The following SLC9A9 variants were observed in gnomAD, a reference collection of about 807,000 sequenced individuals.
SLC9A9 encodes sodium/hydrogen exchanger 9.
Under a neutral mutation model 77.8 loss-of-function variants are expected in SLC9A9, and 62 were observed. The ratio of observed to expected loss-of-function variants is 0.80; its 90% confidence interval spans 0.65 to 0.98. The LOEUF is 0.98. Among genes scored for constraint, SLC9A9 ranks in the 50% least tolerant of loss-of-function variants. The pLI, the probability that SLC9A9 is intolerant of heterozygous loss-of-function variation, is 0.00. For synonymous variants in SLC9A9, 320 were observed against 283.5 expected, an observed-to-expected ratio of 1.13 and a Z score of -1.29; for missense variants, 775 against 774.9, an observed-to-expected ratio of 1.00 and a Z score of 0.00.
chr3:143,435,099 C>A (rs938954000), intron 12 of SLC9A9, among the ~76,000 whole-genome samples: 2 of 152,096 alleles, frequency 1.3e-5, no homozygotes, highest in Admixed American at 6.5e-5. Flanking sequence ...CTTATCAAGA[C>A]CTCTTTTAAA....
chr3:143,345,348 G>A (rs947783042), intron 14 of SLC9A9, among the ~76,000 whole-genome samples: 4 of 152,130 alleles, frequency 2.6e-5, no homozygotes, highest in Admixed American at 6.5e-5. Flanking sequence ...AGAAAAGTAG[G>A]GGGAAATTCA....
intron 8 of SLC9A9, among the ~76,000 whole-genome samples, chr3:143,558,141 T>C (rs1284008917): frequency 6.6e-6 from 1 of 152,150 alleles, no homozygotes; most frequent in African/African-American, 2.4e-5. Context: ...AGCCTGTGGG[T>C]ACATAGAAGT....
At chr3:143,788,426 C>T (rs2008119001) in intron 4 of SLC9A9, among the ~76,000 whole-genome samples, 1 of 152,140 alleles carries the variant, frequency 6.6e-6, no homozygotes, top group South Asian at 2.1e-4. Context: ...CATGGTGGCT[C>T]ACGCCTGTAA....
At chr3:143,666,745 A>T (rs1473878800) in intron 5 of SLC9A9, among the ~76,000 whole-genome samples, 1 of 152,192 alleles carries the variant, frequency 6.6e-6, no homozygotes, top group Non-Finnish European at 1.5e-5. Context: ...CTTCAAAGAC[A>T]ATAAAATACC....
At chr3:143,411,873 G>A (rs1326643517) in intron 12 of SLC9A9, among the ~76,000 whole-genome samples, 1 of 152,088 alleles carries the variant, frequency 6.6e-6, no homozygotes. Context: ...ACAGGGCAGG[G>A]GTACAGAGGC....
chr3:143,269,059 T>G (rs545740177), intron 14 of SLC9A9, 79 bp from the exon 15 acceptor site: 1 of 1,075,682 alleles, frequency 9.3e-7, no homozygotes, highest in South Asian at 1.3e-5. Flanking sequence ...CTTTGTATGC[T>G]GAGACAGCTA....
intron 9 of SLC9A9, among the ~76,000 whole-genome samples, chr3:143,528,330 T>G (rs1405018): frequency 0.52 from 79,344 of 152,010 alleles, 20,756 homozygotes; most frequent in Middle Eastern, 0.69. Flanking sequence ...ATTGGAAAGA[T>G]TAAACCAATT....
intron 14 of SLC9A9, among the ~76,000 whole-genome samples, chr3:143,312,830 C>T (rs950732054): frequency 1.3e-5 from 2 of 152,198 alleles, no homozygotes; most frequent in African/African-American, 4.8e-5. Context: ...ATTGCTTAGG[C>T]CAAGATGGCA....
chr3:143,626,507 A>G (rs570397673), intron 6 of SLC9A9, among the ~76,000 whole-genome samples: 35 of 152,274 alleles, frequency 2.3e-4, no homozygotes, highest in South Asian at 2.1e-3. Context: ...TCAGCAAACT[A>G]TCGCAAGGAC....
chr3:143,754,003 ATTT>A, intron 4 of SLC9A9, among the ~76,000 whole-genome samples: 1 of 118,088 alleles, frequency 8.5e-6, no homozygotes, highest in Non-Finnish European at 1.9e-5. Flanking sequence ...ACATCTCAGG[ATTT>A]CTCTTTCTCC....
chr3:143,288,296 A>G (rs1426018083), intron 14 of SLC9A9, among the ~76,000 whole-genome samples: 4 of 152,050 alleles, frequency 2.6e-5, no homozygotes, highest in Admixed American at 2.6e-4. Context: ...AGAACATATC[A>G]CATTATAAAA....
intron 12 of SLC9A9, among the ~76,000 whole-genome samples, chr3:143,440,723 A>G (rs2034717884): frequency 6.6e-6 from 1 of 152,260 alleles, no homozygotes; most frequent in East Asian, 1.9e-4. Flanking sequence ...AAATTACAAA[A>G]TGATAAACAG....
chr3:143,561,931 C>T (rs1052210433), intron 8 of SLC9A9, among the ~76,000 whole-genome samples: 1 of 152,176 alleles, frequency 6.6e-6, no homozygotes, highest in Non-Finnish European at 1.5e-5. Flanking sequence ...GTCTTCCCTT[C>T]ACCTTTAACT....
intron 9 of SLC9A9, among the ~76,000 whole-genome samples, chr3:143,516,869 C>A (rs1450784546): frequency 6.6e-6 from 1 of 152,140 alleles, no homozygotes; most frequent in Admixed American, 6.5e-5. Flanking sequence ...AATTTTTCAT[C>A]TTCTTGGGTA....
chr3:143,423,199 T>G (rs1449060318), intron 12 of SLC9A9, among the ~76,000 whole-genome samples: 2 of 131,178 alleles, frequency 1.5e-5, no homozygotes, highest in African/African-American at 5.5e-5. Flanking sequence ...AAATCTCTAC[T>G]TACCCTCACA....
rs138741769 is a variant in SLC9A9 at position 143,813,320 on chromosome 3, G to A, written c.379-16417C>T. On this transcript the variant is annotated intron_variant, in intron 2 of 15. Coordinates refer to ENST00000316549, the MANE Select transcript of SLC9A9 (RefSeq NM_173653.4). ...CCAAGGATGAAAAGATCCATATCTCGTGACACACCTGTGATCCATTAACAC... is the reference window on the plus strand; with the variant it reads ...CCAAGGATGAAAAGATCCATATCTCATGACACACCTGTGATCCATTAACAC... Among the ~76,000 whole-genome samples the A allele has an allele frequency of 2.2e-4, 34 of 152,238 alleles. No homozygotes were observed. In the East Asian group the frequency reaches 6.0e-3, roughly 27 times the overall value.
At chr3:143,422,901 G>A (rs756470659) in intron 12 of SLC9A9, among the ~76,000 whole-genome samples, 45 of 152,158 alleles carry the variant, frequency 3.0e-4, no homozygotes, top group Non-Finnish European at 1.2e-4. Flanking sequence ...ATTTACAGAT[G>A]AAAAATGGCA....
At chr3:143,364,330 T>C (rs1453404718) in intron 13 of SLC9A9, among the ~76,000 whole-genome samples, 1 of 152,146 alleles carries the variant, frequency 6.6e-6, no homozygotes, top group African/African-American at 2.4e-5. Flanking sequence ...TTCCATTTTG[T>C]GTGTTAAGGG....
At chr3:143,355,927 A>T (rs2032573186) in intron 14 of SLC9A9, among the ~76,000 whole-genome samples, 1 of 152,232 alleles carries the variant, frequency 6.6e-6, no homozygotes, top group African/African-American at 2.4e-5. Flanking sequence ...AGATCTTCAT[A>T]TCATTCGTTT....
Sources: gnomAD v4.1 joint callset for allele counts (sites outside exome capture counted in the v4.1 genomes callset) on GRCh38, gnomAD v4.1.1 for gene constraint, MANE v1.5 for transcripts, NCBI Gene and HGNC (gene_info 2026-07-23, HGNC 2026-07-21) for gene names.